The following MINDY1 variants were observed in gnomAD, a reference collection of about 807,000 sequenced individuals.
MINDY1 encodes the protein ubiquitin carboxyl-terminal hydrolase MINDY-1.
MINDY1 carries 50 observed loss-of-function variants against 53.6 expected under a neutral mutation model. The ratio of observed to expected loss-of-function variants is 0.93; its 90% CI spans 0.74 to 1.18. The LOEUF (loss-of-function observed/expected upper bound fraction) is 1.18, where lower values mean the gene tolerates loss of function less well. Ranked by LOEUF, MINDY1 falls within the 50% of genes most tolerant of loss-of-function variation. MINDY1 has a pLI of 0.00. For synonymous variants in MINDY1, 231 were observed against 234.7 expected, an observed-to-expected ratio of 0.98 and a Z score of 0.14; for missense variants, 484 against 578.6, an observed-to-expected ratio of 0.84 and a Z score of 1.68.
At chr1:151,007,174 G>A (rs1393857192), upstream of MINDY1, among the ~76,000 whole-genome samples, 3 of 152,178 alleles carry the variant, frequency 2.0e-5, no homozygotes, top group African/African-American at 7.2e-5. Context: ...AATGAAACTG[G>A]TTGGGTTGTG....
chr1:150,998,014 AATG>A (rs982424249), intron 8 of MINDY1, 65 bp downstream of exon 8: 1 of 1,493,214 alleles, frequency 6.7e-7, no homozygotes, highest in African/African-American at 1.4e-5. Context: ...TAGCAGTTAA[AATG>A]TATGCAGTAA....
At chr1:151,007,389 A>C (rs587744504), upstream of MINDY1, among the ~76,000 whole-genome samples, 1 of 152,342 alleles carries the variant, frequency 6.6e-6, no homozygotes, top group Admixed American at 6.5e-5. Flanking sequence ...CTGTAGTCCC[A>C]GCTACTCGGG....
At chr1:151,003,603 T>C (rs1672807712) in intron 1 of MINDY1, among the ~76,000 whole-genome samples, 1 of 152,132 alleles carries the variant, frequency 6.6e-6, no homozygotes, top group South Asian at 2.1e-4. Context: ...TGAGACAGGG[T>C]CTTGCTTTGT....
Position 150,996,956 on chromosome 1 carries a change from C to A in MINDY1, c.*331G>T. On this transcript the variant is annotated 3_prime_UTR_variant, in exon 10 of 10. Coordinates refer to ENST00000683666, the MANE Select transcript of MINDY1 (RefSeq NM_001376665.1). ...GCCTAGGTGATCAGGAGCATCCAGG[C>A]AGCAGGGATGGGAAGCAGAAGAGAT... 3.1e-6 allele frequency: 1 copy of A among 319,824 alleles called. No individual in the cohort carries two copies. Among genetic ancestry groups the A allele is most frequent in the Non-Finnish European group, 5.8e-6 (1 of 172,132 alleles). 19.8% of individuals were successfully genotyped at this position (319,824 alleles called of 1,614,324 possible).
chr1:150,999,229 A>G lies in MINDY1; in HGVS notation c.981+140T>C. 8.1e-7 allele frequency: 1 copy of G among 1,234,034 alleles called. No homozygotes were observed. 76.4% of individuals were successfully genotyped at this position (1,234,034 alleles called of 1,614,324 possible). On this transcript the variant is annotated intron_variant, in intron 7 of 9. Transcript: ENST00000683666. The surrounding 1 kb of genome is among the most constrained non-coding windows in gnomAD (Gnocchi z 4.4). Reference sequence around the variant, plus strand: ...GACACGCACCAGGAGCGGGAAATGAACCTTTGTTGTGGTAAACCACAGGGA... The same window carrying G: ...GACACGCACCAGGAGCGGGAAATGAGCCTTTGTTGTGGTAAACCACAGGGA...
In MINDY1 at chr1:150,999,358, A is replaced by G; in HGVS notation, c.981+11T>C. ...CAGCACCGCAGCACGCCACCCCCAA[A>G]CTCGCATTACCTTATGCTTAGTCAT... On this transcript the variant is annotated intron_variant, in intron 7 of 9. Coordinates refer to ENST00000683666, the MANE Select transcript of MINDY1 (RefSeq NM_001376665.1). The surrounding 1 kb of genome is among the most constrained non-coding windows in gnomAD (Gnocchi z 4.4). The G allele has an allele frequency of 6.2e-7, 1 of 1,613,284 alleles. No homozygotes were observed. Among genetic ancestry groups the G allele is most frequent in the Non-Finnish European group, 8.5e-7 (1 of 1,179,594 alleles).
Position 151,006,437 on chromosome 1 carries a change from CTTATACAGGT to C in MINDY1, c.-225_-216del. 7.8e-7 allele frequency: 1 copy of C among 1,277,098 alleles called. No individual in the cohort carries two copies. Among genetic ancestry groups the C allele is most frequent in the Non-Finnish European group, 1.0e-6 (1 of 1,002,618 alleles). 79.1% of individuals were successfully genotyped at this position (1,277,098 alleles called of 1,614,324 possible). On this transcript the variant is annotated 5_prime_UTR_variant, in exon 1 of 10. Transcript: ENST00000683666. ...TGCCTTCCAGCTGTCAACGCCTGAG[CTTATACAGGT>C]TTACACAGCTTTATAAGCGACGGTC...
chr1:151,007,704 G>A (rs1363840536), upstream of MINDY1, among the ~76,000 whole-genome samples: 4 of 152,152 alleles, frequency 2.6e-5, no homozygotes, highest in African/African-American at 7.2e-5. Context: ...TTGATGATGA[G>A]TGTCCATTTA....
intron 1 of MINDY1, among the ~76,000 whole-genome samples, chr1:151,005,901 T>C (rs1673142512): frequency 6.6e-6 from 1 of 152,174 alleles, no homozygotes; most frequent in African/African-American, 2.4e-5. Flanking sequence ...TCAATGGCAG[T>C]AGAGAGCCGA....
rs947552979 is a variant in MINDY1, at chr1:151,004,455, C to T, written c.-89-1749G>A. ...GAAATTAAACTAGTTAGGGGCCAGGCGCGGTGGCTCACGCCTGTAATCCCA... is the reference window on the plus strand; with the variant it reads ...GAAATTAAACTAGTTAGGGGCCAGGTGCGGTGGCTCACGCCTGTAATCCCA... On this transcript the variant is annotated intron_variant, in intron 1 of 9. Coordinates refer to ENST00000683666, the MANE Select transcript of MINDY1 (RefSeq NM_001376665.1). 2.6e-5 allele frequency among the ~76,000 whole-genome samples: 4 copies of T among 151,990 alleles called. No individual in the cohort carries two copies. The South Asian group carries it at 6.2e-4, about 24-fold the overall frequency.
In MINDY1 at chr1:150,999,878, G is replaced by A. The variant is rs770655593; in HGVS notation, c.822C>T (p.Thr274=). The stretch of plus-strand genomic sequence containing the variant: ...GAATGTCACCTTCTGTCACGAGGTT[G>A]GTGTCACTGGAGTGTTTGCAGGTGA... ...RIITCKHSSD[T]NLVTEGLIAE... The change falls in exon 6 of 10, where the codon ACC becomes ACT. Residue 274 remains threonine (T), a synonymous_variant. Coordinates refer to ENST00000683666, the MANE Select transcript of MINDY1 (RefSeq NM_001376665.1). The surrounding 1 kb of genome is among the most constrained non-coding windows in gnomAD (Gnocchi z 4.4). The A allele has an allele frequency of 1.2e-6, 2 of 1,613,892 alleles. No individual in the cohort carries two copies. The highest frequency in any genetic ancestry group is 1.7e-6 in the Non-Finnish European group (2 of 1,179,900).
chr1:151,004,393 C>T (rs80218291), intron 1 of MINDY1, among the ~76,000 whole-genome samples: 2,792 of 152,234 alleles, frequency 0.018, 105 homozygotes, highest in African/African-American at 0.064. Context: ...AATCTCCTTG[C>T]TCCCCTCCCA....
At chr1:151,004,785 ATAAAT>A (rs1672984098) in intron 1 of MINDY1, among the ~76,000 whole-genome samples, 1 of 111,090 alleles carries the variant, frequency 9.0e-6, no homozygotes, top group African/African-American at 3.2e-5. Flanking sequence ...ATAAAATAAA[ATAAAT>A]TAAACTAGTT....
At position 151,002,968 on chromosome 1, in the gene MINDY1, C is replaced by T; in HGVS notation, c.-89-262G>A. 2.4e-6 allele frequency: 3 copies of T among 1,261,572 alleles called. No homozygotes were observed. The highest frequency in any genetic ancestry group is 3.0e-6 in the Non-Finnish European group (3 of 998,070). 78.1% of individuals were successfully genotyped at this position (1,261,572 alleles called of 1,614,324 possible). Reference sequence around the variant, plus strand: ...TGAACACATGGGTGGAGTCAGCTTCCCTGAAACAGATCATGACAGGGAAGG... The same window carrying T: ...TGAACACATGGGTGGAGTCAGCTTCTCTGAAACAGATCATGACAGGGAAGG... On this transcript the variant is annotated intron_variant, in intron 1 of 9. Transcript: ENST00000683666. This position sits in a 1 kb window ranked among gnomAD's most constrained non-coding sequence, Gnocchi z 4.1.
At chr1:150,997,394 T>C (rs1360866036) in intron 9 of MINDY1, 27 bp from the exon 10 acceptor site, 4 of 1,582,070 alleles carry the variant, frequency 2.5e-6, no homozygotes, top group Non-Finnish European at 3.4e-6. Context: ...AATTGGTCAC[T>C]GAACTTCCTT....
intron 1 of MINDY1, among the ~76,000 whole-genome samples, chr1:151,004,790 T>A (rs917546142): frequency 6.8e-6 from 1 of 147,226 alleles, no homozygotes. Flanking sequence ...ATAAAATAAA[T>A]TAAACTAGTT....
chr1:151,003,248 C>T (rs1672776972), intron 1 of MINDY1, among the ~76,000 whole-genome samples: 1 of 152,086 alleles, frequency 6.6e-6, no homozygotes, highest in African/African-American at 2.4e-5. Flanking sequence ...CTGCCTCACC[C>T]AAGGATAAAA....
Position 151,006,817 on chromosome 1 carries a change from G to A in MINDY1, c.-595C>T, listed in dbSNP as rs1673283085. Reference sequence around the variant, plus strand: ...CAGCAGCTTTGTGATCAGCAGAGAGGGAGCGAGAAACAGGAGAGAAAAACA... The same window carrying A: ...CAGCAGCTTTGTGATCAGCAGAGAGAGAGCGAGAAACAGGAGAGAAAAACA... On this transcript the variant is annotated 5_prime_UTR_variant, in exon 1 of 10. Coordinates refer to ENST00000683666, the MANE Select transcript of MINDY1 (RefSeq NM_001376665.1). The A allele has an allele frequency of 1.0e-6, 1 of 985,532 alleles. No homozygotes were observed. Among genetic ancestry groups the A allele is most frequent in the Non-Finnish European group, 1.2e-6 (1 of 830,014 alleles). The allele number at this position is 985,532 out of a possible 1,614,324, so 61.0% of individuals were successfully genotyped here.
In MINDY1 at chr1:151,002,447, C is replaced by T. The variant is rs1454637686; in HGVS notation, c.171G>A (p.Leu57=). The part of the protein sequence containing the change: ...AREREPADQA[L]LPSQCGDNLE... ...GGTTGTCCCCACACTGGCTAGGCAG[C>T]AAAGCTTGGTCTGCTGGCTCCCGTT... Residue 57 remains leucine, a synonymous_variant, in exon 2 of 10, where the codon TTG becomes TTA. Coordinates refer to ENST00000683666, the MANE Select transcript of MINDY1 (RefSeq NM_001376665.1). This position sits in a 1 kb window ranked among gnomAD's most constrained non-coding sequence, Gnocchi z 4.1. The T allele has an allele frequency of 1.2e-6, 2 of 1,614,180 alleles. No homozygotes were observed. Among genetic ancestry groups the T allele is most frequent in the South Asian group, 2.2e-5 (2 of 91,086 alleles).
Sources: gnomAD v4.1 joint callset for allele counts (sites outside exome capture counted in the v4.1 genomes callset) on GRCh38, gnomAD v4.1.1 for gene constraint, Gnocchi (gnomAD v3.1) non-coding constraint, MANE v1.5 for transcripts, NCBI Gene and HGNC (gene_info 2026-07-23, HGNC 2026-07-21) for gene names.